The following LARS1 variants were observed in gnomAD, a reference collection of about 807,000 sequenced individuals.
LARS1 encodes leucyl-tRNA synthetase 1, also known as leucine--tRNA ligase, cytoplasmic.
Under a neutral mutation model 162.8 loss-of-function variants are expected in LARS1, and 100 were observed. That is an observed-to-expected ratio of 0.61 (90% CI 0.52 to 0.73). The LOEUF (loss-of-function observed/expected upper bound fraction) is 0.73. Ranked by LOEUF, LARS1 falls within the 30% of genes least tolerant of loss-of-function variation. The pLI is 0.00. For synonymous variants in LARS1, 457 were observed against 462.8 expected (o/e 0.99, Z 0.16); for missense variants, 1,258 against 1,408.9 (o/e 0.89, Z 1.71).
intron 7 of LARS1, among the ~76,000 whole-genome samples, chr5:146,160,004 A>C (rs1423997511): frequency 6.6e-6 from 1 of 152,180 alleles, no homozygotes; most frequent in Non-Finnish European, 1.5e-5. Context: ...AACACTAAGC[A>C]GCTCAGAGAA....
At chr5:146,174,530 ATATATATCCATATATG>A (rs1561498250) in intron 2 of LARS1, among the ~76,000 whole-genome samples, 2 of 96,248 alleles carry the variant, frequency 2.1e-5, no homozygotes, top group East Asian at 2.6e-4. Flanking sequence ...CCATATATAT[ATATATATCCATATATG>A]TATATATCCA....
chr5:146,136,203 CTA>C (rs1752494015), intron 21 of LARS1, among the ~76,000 whole-genome samples: 1 of 152,182 alleles, frequency 6.6e-6, no homozygotes, highest in Non-Finnish European at 1.5e-5. Flanking sequence ...ATTAGTTTAA[CTA>C]TGCTGATATC....
At chr5:146,165,778 T>G (rs191000677) in intron 5 of LARS1, among the ~76,000 whole-genome samples, 1 of 152,128 alleles carries the variant, frequency 6.6e-6, no homozygotes, top group Non-Finnish European at 1.5e-5. Context: ...GTCAGTAAAA[T>G]TGTTTCTCCC....
At position 146,128,800 on chromosome 5, in the gene LARS1, G is replaced by A. The variant is rs1213885897; in HGVS notation, c.2770-18C>T. The stretch of plus-strand genomic sequence containing the variant: ...TCAGTCTTCTAGACGGTAAAAGAAA[G>A]GAAAAACATTCAATAGCTTTTATAT... On this transcript the variant is annotated intron_variant, in intron 26 of 31. Transcript: ENST00000394434. The A allele has an allele frequency of 6.3e-7, 1 of 1,586,186 alleles. No individual in the cohort carries two copies. The highest frequency in any genetic ancestry group is 8.6e-7 in the Non-Finnish European group (1 of 1,165,590).
At chr5:146,143,778 C>T (rs1295957311) in intron 18 of LARS1, among the ~76,000 whole-genome samples, 1 of 152,156 alleles carries the variant, frequency 6.6e-6, no homozygotes, top group African/African-American at 2.4e-5. Flanking sequence ...GCAGGTGGAT[C>T]ACCTGAGGTC....
chr5:146,173,970 C>A (rs891029724), intron 2 of LARS1, among the ~76,000 whole-genome samples: 5 of 152,090 alleles, frequency 3.3e-5, no homozygotes, highest in African/African-American at 1.2e-4. Context: ...TTCAGTCTTA[C>A]TGCATACACC....
intron 28 of LARS1, 50 bp downstream of exon 28, chr5:146,126,385 C>T (rs757562202): frequency 4.5e-6 from 5 of 1,118,890 alleles, no homozygotes; most frequent in Non-Finnish European, 4.1e-6. Context: ...TCTATTGTCC[C>T]ATCTAACCAT....
At chr5:146,116,262 G>C (rs967090838) in intron 31 of LARS1, among the ~76,000 whole-genome samples, 2 of 152,144 alleles carry the variant, frequency 1.3e-5, no homozygotes, top group African/African-American at 4.8e-5. Context: ...ACACATCAGT[G>C]GTACCAAATA....
chr5:146,140,445 A>G (rs775294428), intron 20 of LARS1, among the ~76,000 whole-genome samples, 184 bp from the exon 21 acceptor site: 2 of 152,246 alleles, frequency 1.3e-5, no homozygotes, highest in Non-Finnish European at 2.9e-5. Flanking sequence ...TACATAAACT[A>G]GGATACAGGT....
chr5:146,121,388 T>C (rs1306517692), intron 30 of LARS1, among the ~76,000 whole-genome samples: 1 of 152,162 alleles, frequency 6.6e-6, no homozygotes, highest in Non-Finnish European at 1.5e-5. Flanking sequence ...CCAATCTGAA[T>C]GGATTCTTTG....
intron 27 of LARS1, among the ~76,000 whole-genome samples, chr5:146,127,585 GTTC>G (rs1752098415): frequency 6.6e-6 from 1 of 152,006 alleles, no homozygotes; most frequent in Admixed American, 6.6e-5. Context: ...TTATATTTGG[GTTC>G]TTCCACTGCT....
intron 24 of LARS1, chr5:146,130,617 C>T (rs1438391300): frequency 5.8e-6 from 1 of 172,246 alleles, no homozygotes; most frequent in African/African-American, 2.4e-5. Flanking sequence ...ACTTTAAGCA[C>T]TTTAAATGCC....
intron 5 of LARS1, 65 bp from the exon 6 acceptor site, chr5:146,164,536 A>T (rs1193607614): frequency 4.1e-6 from 6 of 1,462,276 alleles, no homozygotes; most frequent in Non-Finnish European, 3.8e-6. Flanking sequence ...AAATGACCCA[A>T]GATATTAATG....
rs765545630 is a variant in LARS1, at chr5:146,133,075, C to T, written c.2219G>A (p.Arg740His). ...GTCACCAGCATCAGCCAGAGCCAAA[C>T]GCATTCCTGGAAGAAGAAAAAAAAA... ...AIDKFSADGM[R>H]LALADAGDTV... Residue 740 changes from arginine to histidine, a missense_variant, in exon 23 of 32, where the codon CGT (arginine) becomes CAT (histidine). Coordinates refer to ENST00000394434, the MANE Select transcript of LARS1 (RefSeq NM_020117.11). The T allele has an allele frequency of 9.9e-6, 16 of 1,611,082 alleles. No homozygotes were observed. The highest frequency in any genetic ancestry group is 1.3e-5 in the Non-Finnish European group (15 of 1,178,958).
intron 23 of LARS1, chr5:146,131,332 T>G (rs879440042): frequency 1.7e-5 from 6 of 347,480 alleles, no homozygotes; most frequent in Non-Finnish European, 2.6e-5. Flanking sequence ...ATCTCTCTAT[T>G]GTCTATCCAT....
chr5:146,152,881 C>T (rs564144269), intron 13 of LARS1, among the ~76,000 whole-genome samples: 27 of 152,262 alleles, frequency 1.8e-4, no homozygotes, highest in East Asian at 5.8e-4. Flanking sequence ...AAAATTTTAT[C>T]TTTAGAAGCC....
intron 30 of LARS1, among the ~76,000 whole-genome samples, chr5:146,121,526 CAT>C (rs776247607): frequency 6.6e-6 from 1 of 152,124 alleles, no homozygotes; most frequent in African/African-American, 2.4e-5. Flanking sequence ...CACAGGCACA[CAT>C]ATGTTTACTG....
intron 4 of LARS1, among the ~76,000 whole-genome samples, chr5:146,168,705 T>A (rs975569993): frequency 1.2e-4 from 18 of 151,730 alleles, no homozygotes; most frequent in African/African-American, 3.1e-4. Context: ...AAAATAAAAT[T>A]AAATTAAAAA....
intron 5 of LARS1, among the ~76,000 whole-genome samples, chr5:146,165,662 CCA>C (rs34204322): frequency 0.74 from 112,453 of 151,940 alleles, 42,043 homozygotes; most frequent in Middle Eastern, 0.87. Context: ...TATGATATAA[CCA>C]CACTCAAGGG....
Sources: allele counts gnomAD v4.1 joint callset (sites outside exome capture counted in the v4.1 genomes callset), GRCh38; gene constraint gnomAD v4.1.1; transcripts MANE v1.5; gene names NCBI Gene and HGNC (gene_info 2026-07-23, HGNC 2026-07-21).